Variants in KCNQ1 observed in about 807,000 individuals in gnomAD.
KCNQ1 encodes the protein potassium voltage-gated channel subfamily KQT member 1.
A neutral mutation model predicts 72.4 loss-of-function variants in KCNQ1; 49 were observed. The observed-to-expected ratio is 0.68, with a 90% CI of 0.54 to 0.86. The LOEUF (loss-of-function observed/expected upper bound fraction) is 0.86. Ranked by LOEUF, KCNQ1 falls within the 40% of genes least tolerant of loss-of-function variation. KCNQ1 has a pLI of 0.00. For missense variants in KCNQ1, 790 were observed against 945.1 expected (o/e 0.84, Z 2.15); for synonymous variants, 450 against 412.6 (o/e 1.09, Z -1.10).
At position 2,565,655 on chromosome 11, in the gene KCNQ1, G is replaced by T. The variant is rs11822186; in HGVS notation, c.478-4973G>T. ...CCCGTGGCCTATCTTGTTTTGGGGGGCAGGGACCCAGAAACTCATTGCTTT... is the reference window on the plus strand; with the variant it reads ...CCCGTGGCCTATCTTGTTTTGGGGGTCAGGGACCCAGAAACTCATTGCTTT... On this transcript the variant is annotated intron_variant, in intron 2 of 15. Transcript: ENST00000155840. The surrounding 1 kb of genome is among the most constrained non-coding windows in gnomAD (Gnocchi z 5.6). Among the ~76,000 whole-genome samples the T allele has an allele frequency of 0.06, 9,060 of 152,200 alleles. 647 individuals carry two copies. Among genetic ancestry groups the T allele is most frequent in the African/African-American group, 0.17 (7,187 of 41,466 alleles).
chr11:2,571,930 C>A, intron 4 of KCNQ1, 83 bp from the exon 5 acceptor site: 2 of 1,170,436 alleles, frequency 1.7e-6, no homozygotes, highest in Non-Finnish European at 2.5e-6. Flanking sequence ...GCAGGGACAC[C>A]CATGCCATCG....
At position 2,664,270 on chromosome 11, in the gene KCNQ1, G is replaced by T. The variant is rs1037793781; in HGVS notation, c.1514+2189G>T. 5.0e-6 allele frequency: 2 copies of T among 398,970 alleles called. No homozygotes were observed. The highest frequency in any genetic ancestry group is 4.4e-5 in the Admixed American group (1 of 22,720). The allele number at this position is 398,970 out of a possible 1,614,324, so 24.7% of individuals were successfully genotyped here. A position where few individuals can be genotyped will look rare whatever the true frequency, so the allele number is the denominator to read the frequency against. ...GACTGGGAGAGGGAAAAACAAGGAG[G>T]TTGCTGCAAAGGGGCCACCTTGAGG... On this transcript the variant is annotated intron_variant, in intron 11 of 15. Coordinates refer to ENST00000155840, the MANE Select transcript of KCNQ1 (RefSeq NM_000218.3). The surrounding 1 kb of genome is among the most constrained non-coding windows in gnomAD (Gnocchi z 5.1).
chr11:2,547,456 A>T lies in KCNQ1; in HGVS notation c.477+19438A>T, dbSNP rs1264295812. 1.3e-5 allele frequency among the ~76,000 whole-genome samples: 2 copies of T among 151,096 alleles called. No homozygotes were observed. Among genetic ancestry groups the T allele is most frequent in the African/African-American group, 4.9e-5 (2 of 41,034 alleles). On this transcript the variant is annotated intron_variant, in intron 2 of 15. Coordinates refer to ENST00000155840, the MANE Select transcript of KCNQ1 (RefSeq NM_000218.3). The surrounding 1 kb of genome is among the most constrained non-coding windows in gnomAD (Gnocchi z 4.2). ...ACCATTTTGGCCAGGCTGGTCTTGA[A>T]CTCCTGACCTCAAGTCATCTGCCCG... is the stretch of plus-strand genomic sequence containing the variant.
At position 2,803,013 on chromosome 11, in the gene KCNQ1, C is replaced by T. The variant is rs1487723264; in HGVS notation, c.1794+24976C>T. On this transcript the variant is annotated intron_variant, in intron 15 of 15. Transcript: ENST00000155840. The surrounding 1 kb of genome is among the most constrained non-coding windows in gnomAD (Gnocchi z 6.4). ...CACTTCGCCACCCAGAGGAGCTGGC[C>T]CTGGCCACTCTCTCAGAGCAGGAGG... Among the ~76,000 whole-genome samples the T allele has an allele frequency of 6.6e-6, 1 of 152,226 alleles. No homozygotes were observed. The highest frequency in any genetic ancestry group is 1.5e-5 in the Non-Finnish European group (1 of 68,040).
In KCNQ1 at chr11:2,670,644, G is replaced by T; in HGVS notation, c.1514+8563G>T. 2.5e-6 allele frequency: 1 copy of T among 398,634 alleles called. No individual in the cohort carries two copies. Among genetic ancestry groups the T allele is most frequent in the Admixed American group, 4.4e-5 (1 of 22,730 alleles). The allele number at this position is 398,634 out of a possible 1,614,324, so 24.7% of individuals were successfully genotyped here. A position where few individuals can be genotyped will look rare whatever the true frequency, so the allele number is the denominator to read the frequency against. On this transcript the variant is annotated intron_variant, in intron 11 of 15. Transcript: ENST00000155840. The surrounding 1 kb of genome is among the most constrained non-coding windows in gnomAD (Gnocchi z 4.9). ...CCTGGATATGCATGGCAGAGGCCAG[G>T]ATGAACCCTGAAGATTGGTAGGAAG... is the stretch of plus-strand genomic sequence containing the variant.
In KCNQ1 at chr11:2,826,656, T is replaced by G. The variant is rs952661242; in HGVS notation, c.1795-21111T>G. ...CAGCACACCCAGCCCACCACTGTGC[T>G]CCCAGAGGGAGAACAGAGAGGGGTG... On this transcript the variant is annotated intron_variant, in intron 15 of 15. Coordinates refer to ENST00000155840, the MANE Select transcript of KCNQ1 (RefSeq NM_000218.3). This position sits in a 1 kb window ranked among gnomAD's most constrained non-coding sequence, Gnocchi z 4.2. Among the ~76,000 whole-genome samples the G allele has an allele frequency of 6.6e-6, 1 of 152,160 alleles. No individual in the cohort carries two copies. Among genetic ancestry groups the G allele is most frequent in the Admixed American group, 6.5e-5 (1 of 15,276 alleles).
In KCNQ1 at chr11:2,642,774, C is replaced by T. The variant is rs890306326; in HGVS notation, c.1394-19187C>T. ...ATCATTAGATTATTTAAGATCTTTT[C>T]TACCTTTTTTAATGGAGGCATTTAT... On this transcript the variant is annotated intron_variant, in intron 10 of 15. Transcript: ENST00000155840. The surrounding 1 kb of genome is among the most constrained non-coding windows in gnomAD (Gnocchi z 4.3). The T allele has an allele frequency of 1.3e-5, 5 of 397,458 alleles. No homozygotes were observed. The highest frequency in any genetic ancestry group is 1.0e-4 in the African/African-American group (5 of 48,536). The allele number at this position is 397,458 out of a possible 1,614,324, so 24.6% of individuals were successfully genotyped here.
chr11:2,699,491 GA>G, intron 11 of KCNQ1: 1 of 177,970 alleles, frequency 5.6e-6, no homozygotes, highest in African/African-American at 4.6e-5. Context: ...CCCCCGGGGA[GA>G]GTGCCGCGCT....
At chr11:2,575,901 G>A (rs1241598971) in intron 6 of KCNQ1, among the ~76,000 whole-genome samples, 15 of 152,230 alleles carry the variant, frequency 9.9e-5, no homozygotes, top group African/African-American at 9.6e-5. Flanking sequence ...AGCCCGAAGC[G>A]AGGTGTGCAC....
At chr11:2,836,781 G>T (rs1000741850) in intron 15 of KCNQ1, among the ~76,000 whole-genome samples, 3 of 152,244 alleles carry the variant, frequency 2.0e-5, no homozygotes, top group Non-Finnish European at 2.9e-5. Context: ...AACCAGGCAC[G>T]AGCTGCGTAT....
intron 6 of KCNQ1, among the ~76,000 whole-genome samples, chr11:2,576,842 G>A (rs1848430314): frequency 6.6e-6 from 1 of 152,208 alleles, no homozygotes; most frequent in Non-Finnish European, 1.5e-5. Flanking sequence ...TGGGCCGAGG[G>A]GCGGCAGGAC....
intron 7 of KCNQ1, among the ~76,000 whole-genome samples, chr11:2,584,482 AGT>A (rs1477417599): frequency 2.1e-5 from 3 of 139,986 alleles, no homozygotes; most frequent in African/African-American, 8.1e-5. Context: ...TGTTAGTGTT[AGT>A]GTGTGTTAGT....
intron 10 of KCNQ1, chr11:2,648,676 C>T (rs1188865552): frequency 3.5e-5 from 14 of 398,252 alleles, no homozygotes; most frequent in South Asian, 2.6e-4. Flanking sequence ...TATTGAGACC[C>T]GTTTTGTGTC....
Position 2,603,107 on chromosome 11 carries a change from C to G in KCNQ1, c.1393+14253C>G, listed in dbSNP as rs537477553. On this transcript the variant is annotated intron_variant, in intron 10 of 15. Transcript: ENST00000155840. The surrounding 1 kb of genome is among the most constrained non-coding windows in gnomAD (Gnocchi z 4.1). ...AATGGTTTTTAGTATAGGCATACCT[C>G]AGAGATATTGTGGTTCGGTTCCAGT... Among the ~76,000 whole-genome samples, 58 of 152,276 alleles carry G rather than the reference C, an allele frequency of 3.8e-4. No individual in the cohort carries two copies. Among genetic ancestry groups the G allele is most frequent in the African/African-American group, 1.3e-3 (53 of 41,548 alleles).
At position 2,461,514 on chromosome 11, in the gene KCNQ1, A is replaced by G. The variant is rs747019309; in HGVS notation, c.386+16030A>G. ...GAAGGCACTGTCTTTGCGCCTGCAC[A>G]TGTGTGTGTCTGGAGTGTAGGATGG... On this transcript the variant is annotated intron_variant, in intron 1 of 15. Transcript: ENST00000155840. 6.0e-6 allele frequency: 8 copies of G among 1,329,388 alleles called. No homozygotes were observed. In the African/African-American group the frequency reaches 7.5e-5, roughly 12 times the overall value. 82.3% of individuals were successfully genotyped at this position (1,329,388 alleles called of 1,614,324 possible). A position where few individuals can be genotyped will look rare whatever the true frequency, so the allele number is the denominator to read the frequency against.
chr11:2,602,247 CTT>C lies in KCNQ1; in HGVS notation c.1393+13396_1393+13397del, dbSNP rs776047821. ...CCTTGATTTTTCGTCCCCTAAGACT[CTT>C]TTCAGACTTCTGGCCTCTAGAACTG... On this transcript the variant is annotated intron_variant, in intron 10 of 15. Transcript: ENST00000155840. This position sits in a 1 kb window ranked among gnomAD's most constrained non-coding sequence, Gnocchi z 4.8. 8.3e-4 allele frequency among the ~76,000 whole-genome samples: 125 copies of C among 151,190 alleles called. No homozygotes were observed. The highest frequency in any genetic ancestry group is 1.3e-3 in the Non-Finnish European group (89 of 67,910).
intron 2 of KCNQ1, among the ~76,000 whole-genome samples, chr11:2,530,112 C>T (rs1847593211): frequency 6.6e-6 from 1 of 152,118 alleles, no homozygotes; most frequent in Non-Finnish European, 1.5e-5. Context: ...CTTGTGGTGC[C>T]ATCTTGGTTG....
At chr11:2,756,164 A>T (rs1002168855) in intron 11 of KCNQ1, among the ~76,000 whole-genome samples, 11 of 152,212 alleles carry the variant, frequency 7.2e-5, no homozygotes, top group African/African-American at 2.4e-4. Context: ...CAGCAGTCCC[A>T]TATCTGGGCA....
In KCNQ1 at chr11:2,483,444, C is replaced by T. The variant is rs1264735995; in HGVS notation, c.386+37960C>T. ...CCGACACCTGATACATTACCGTGAA[C>T]TCAACTGCAGATCTGATTCAAATCC... On this transcript the variant is annotated intron_variant, in intron 1 of 15. Transcript: ENST00000155840. This position sits in a 1 kb window ranked among gnomAD's most constrained non-coding sequence, Gnocchi z 6.1. Among the ~76,000 whole-genome samples the T allele has an allele frequency of 6.6e-6, 1 of 152,136 alleles. No homozygotes were observed. The highest frequency in any genetic ancestry group is 1.5e-5 in the Non-Finnish European group (1 of 68,026).
Sources: allele counts gnomAD v4.1 joint callset (sites outside exome capture counted in the v4.1 genomes callset), GRCh38; gene constraint gnomAD v4.1.1; non-coding constraint Gnocchi (gnomAD v3.1); transcripts MANE v1.5; gene names NCBI Gene and HGNC (gene_info 2026-07-23, HGNC 2026-07-21).